PCDHA4: variants seen among roughly 807,000 people sequenced by gnomAD.
PCDHA4 encodes protocadherin alpha 4.
A neutral mutation model predicts 61.4 loss-of-function variants in PCDHA4; 49 were observed. The ratio of observed to expected loss-of-function variants is 0.80; its 90% CI spans 0.63 to 1.01. The LOEUF (loss-of-function observed/expected upper bound fraction) is 1.01, where lower values mean the gene tolerates loss of function less well. PCDHA4 is among the 50% of genes least tolerant of loss of function. The pLI, the probability that PCDHA4 is intolerant of heterozygous loss-of-function variation, is 0.00. For synonymous variants in PCDHA4, 590 were observed against 550.3 expected, an observed-to-expected ratio of 1.07 and a Z score of -1.01; for missense variants, 1,254 against 1,235.8, an observed-to-expected ratio of 1.01 and a Z score of -0.22.
chr5:140,882,731 G>C, intron 1 of PCDHA4: 1 of 1,614,232 alleles, frequency 6.2e-7, no homozygotes, highest in Non-Finnish European at 8.5e-7. Flanking sequence ...ATTTCCACTA[G>C]ATGGCGCATC....
chr5:141,010,025 A>G lies in PCDHA4; in HGVS notation c.*88A>G. The G allele has an allele frequency of 6.4e-7, 1 of 1,573,940 alleles. No homozygotes were observed. The highest frequency in any genetic ancestry group is 2.2e-5 in the East Asian group (1 of 44,636). ...TAGCAATTCCCTGCTCCTTTTTCCT[A>G]TCTACATGAGCCCTCTTAGAGACCT... On this transcript the variant is annotated 3_prime_UTR_variant, in exon 4 of 4. Transcript: ENST00000530339.
intron 1 of PCDHA4, chr5:140,878,062 T>C (rs1180266527): frequency 2.5e-6 from 1 of 403,164 alleles, no homozygotes; most frequent in East Asian, 4.6e-5. Context: ...ACACTTAATA[T>C]TTTTCTTTTT....
intron 1 of PCDHA4, chr5:140,863,473 C>A (rs966575223): frequency 6.2e-6 from 3 of 487,660 alleles, no homozygotes; most frequent in South Asian, 1.6e-5. Flanking sequence ...TCTGGAGAGT[C>A]GCCTCCCAAG....
At chr5:140,875,903 A>G in intron 1 of PCDHA4, 1 of 1,614,184 alleles carries the variant, frequency 6.2e-7, no homozygotes, top group Non-Finnish European at 8.5e-7. Context: ...CCTGTTTCTG[A>G]ATCTGCGCCT....
At chr5:140,920,069 G>C (rs527472900) in intron 1 of PCDHA4, among the ~76,000 whole-genome samples, 1 of 152,288 alleles carries the variant, frequency 6.6e-6, no homozygotes, top group Non-Finnish European at 1.5e-5. Context: ...GGAAAAGGCA[G>C]AAACAGATTC....
intron 1 of PCDHA4, among the ~76,000 whole-genome samples, chr5:140,846,053 A>T (rs2150384240): frequency 6.7e-6 from 1 of 149,910 alleles, no homozygotes; most frequent in East Asian, 1.9e-4. Context: ...AACACCACCT[A>T]TGTGGGAAAA....
At chr5:140,946,631 T>TATATATACAC (rs57893927) in intron 1 of PCDHA4, among the ~76,000 whole-genome samples, 11,667 of 131,732 alleles carry the variant, frequency 0.089, 743 homozygotes, top group Middle Eastern at 0.14. Context: ...TATATATATA[T>TATATATACAC]ACAATGGAAT....
chr5:140,860,512 T>A (rs1379513509), intron 1 of PCDHA4: 3 of 152,166 alleles, frequency 2.0e-5, no homozygotes, highest in African/African-American at 7.2e-5. Context: ...AAGATAAAAC[T>A]CTTCATGGAA....
chr5:140,941,211 CTTCCTTTCTTTCTTT>C (rs1563185551), intron 1 of PCDHA4, among the ~76,000 whole-genome samples: 1,583 of 129,706 alleles, frequency 0.012, 22 homozygotes, highest in African/African-American at 0.029. Flanking sequence ...TCCTTTCTTT[CTTCCTTTCTTTCTTT>C]CTTTCTTTCT....
intron 3 of PCDHA4, among the ~76,000 whole-genome samples, chr5:140,992,803 G>A (rs2097529196): frequency 6.6e-6 from 1 of 152,146 alleles, no homozygotes; most frequent in African/African-American, 2.4e-5. Context: ...GGATCCATAT[G>A]TATCTAAGGA....
intron 1 of PCDHA4, among the ~76,000 whole-genome samples, chr5:140,914,914 G>A (rs2076876381): frequency 7.0e-6 from 1 of 143,682 alleles, no homozygotes; most frequent in African/African-American, 2.6e-5. Context: ...GTTTCTCTGT[G>A]TCTTATTGTA....
chr5:140,965,193 A>G (rs1232668450), intron 1 of PCDHA4, among the ~76,000 whole-genome samples: 1 of 152,252 alleles, frequency 6.6e-6, no homozygotes, highest in East Asian at 1.9e-4. Flanking sequence ...CACATGAGGC[A>G]ATAGATTTCA....
chr5:140,934,262 TAATC>T (rs1554209807), intron 1 of PCDHA4, among the ~76,000 whole-genome samples: 1 of 152,136 alleles, frequency 6.6e-6, no homozygotes, highest in Non-Finnish European at 1.5e-5. Flanking sequence ...AAATTAATAA[TAATC>T]AGTGCTTCAT....
chr5:140,955,468 T>C (rs1394591179), intron 1 of PCDHA4, among the ~76,000 whole-genome samples: 1 of 152,116 alleles, frequency 6.6e-6, no homozygotes, highest in Non-Finnish European at 1.5e-5. Context: ...TCCTTTTTGC[T>C]TGGCACCTCT....
intron 1 of PCDHA4, chr5:140,812,734 C>T (rs148914019): frequency 6.6e-6 from 1 of 152,384 alleles, no homozygotes; most frequent in Non-Finnish European, 1.5e-5. Flanking sequence ...ACTGGGATTA[C>T]AGGCGTGAGC....
chr5:140,871,002 G>C, intron 1 of PCDHA4: 1 of 1,613,384 alleles, frequency 6.2e-7, no homozygotes, highest in Non-Finnish European at 8.5e-7. Context: ...TAAGCACAAC[G>C]CGTGCCCTGG....
chr5:140,850,117 G>T, intron 1 of PCDHA4: 2 of 1,596,096 alleles, frequency 1.3e-6, no homozygotes, highest in Non-Finnish European at 1.7e-6. Flanking sequence ...CGCGACGCGG[G>T]CGTGCCGCCT....
chr5:140,956,953 C>G (rs1347983778), intron 1 of PCDHA4, among the ~76,000 whole-genome samples: 1 of 135,202 alleles, frequency 7.4e-6, no homozygotes, highest in Non-Finnish European at 1.7e-5. Flanking sequence ...CATTAAAACA[C>G]TGTAATTAAT....
At chr5:140,835,676 C>T (rs1554135187) in intron 1 of PCDHA4, 1 of 1,613,896 alleles carries the variant, frequency 6.2e-7, no homozygotes. Flanking sequence ...GGGACGGGGG[C>T]TCGCCTTCTC....
Sources: allele counts gnomAD v4.1 joint callset (sites outside exome capture counted in the v4.1 genomes callset), GRCh38; gene constraint gnomAD v4.1.1; transcripts MANE v1.5; gene names NCBI Gene and HGNC (gene_info 2026-07-23, HGNC 2026-07-21).